ERI1: variants seen among roughly 807,000 people sequenced by gnomAD.
ERI1 encodes 3'-5' exoribonuclease 1.
A neutral mutation model predicts 39.7 loss-of-function variants in ERI1; 39 were observed. The observed-to-expected ratio is 0.98, with a 90% CI of 0.76 to 1.28. ERI1 has a LOEUF of 1.28. Ranked by LOEUF, ERI1 falls within the 50% of genes most tolerant of loss-of-function variation. The pLI is 0.00. For synonymous variants in ERI1, 204 were observed against 149.6 expected (o/e 1.36, Z -2.65); for missense variants, 581 against 416.9 (o/e 1.39, Z -3.43).
intron 3 of ERI1, among the ~76,000 whole-genome samples, chr8:9,080,569 G>T (rs1473827473): frequency 6.6e-6 from 1 of 152,208 alleles, no homozygotes; most frequent in Non-Finnish European, 1.5e-5. Flanking sequence ...CAGCACCCCT[G>T]CCCTGATTTT....
At chr8:9,035,948 C>G (rs7005294), downstream of ERI1, among the ~76,000 whole-genome samples, 466 of 152,188 alleles carry the variant, frequency 3.1e-3, 3 homozygotes, top group African/African-American at 0.01. Context: ...CTTTTAGGGG[C>G]CCAAGACTTC....
chr8:9,043,407 A>G (rs771403899), intron 3 of ERI1, among the ~76,000 whole-genome samples: 2 of 152,154 alleles, frequency 1.3e-5, no homozygotes, highest in East Asian at 3.9e-4. Context: ...TACTTTTTAC[A>G]TTCTTCACCC....
Position 9,003,072 on chromosome 8 carries a change from T to A in ERI1, c.9T>A (p.Asp3Glu). ...CTGGCGTGACAGCCGGCATGGAGGA[T>A]CCACAGAGTAAAGAGCCTGCCGGCG... ME[D>E]PQSKEPAGEA... The change falls in exon 1 of 7, where the codon GAT becomes GAA. Residue 3 changes from aspartate (D) to glutamate (E), a missense_variant. Physicochemically the swap from Asp to Glu is conservative, Grantham distance 45 (BLOSUM62 2). Coordinates refer to ENST00000250263, the MANE Select transcript of ERI1 (RefSeq NM_153332.4). 8.0e-7 allele frequency: 1 copy of A among 1,247,368 alleles called. No individual in the cohort carries two copies. The highest frequency in any genetic ancestry group is 1.0e-6 in the Non-Finnish European group (1 of 988,078). 77.3% of individuals were successfully genotyped at this position (1,247,368 alleles called of 1,614,324 possible).
intron 3 of ERI1, among the ~76,000 whole-genome samples, chr8:9,061,578 A>G (rs998664109): frequency 6.6e-6 from 1 of 152,268 alleles, no homozygotes; most frequent in East Asian, 1.9e-4. Context: ...TTGTTTGGAC[A>G]GAAAGGCTAC....
intron 6 of ERI1, among the ~76,000 whole-genome samples, chr8:9,028,969 G>A (rs1797387328): frequency 7.3e-6 from 1 of 137,252 alleles, no homozygotes; most frequent in Admixed American, 7.0e-5. Context: ...TGGGGAGTGT[G>A]AGAGTTTTTT....
At position 9,029,772 on chromosome 8, in the gene ERI1, C is replaced by T. The variant is rs774152074; in HGVS notation, c.808-20C>T. 1.2e-6 allele frequency: 2 copies of T among 1,613,690 alleles called. No homozygotes were observed. Among genetic ancestry groups the T allele is most frequent in the African/African-American group, 1.3e-5 (1 of 75,022 alleles). On this transcript the variant is annotated intron_variant, in intron 6 of 6. Coordinates refer to ENST00000250263, the MANE Select transcript of ERI1 (RefSeq NM_153332.4). ...GTTTAGAACACCAAAGAATTATTTA[C>T]TAAGCTGTTTATTTTTCAGGTTCCT...
downstream of ERI1, among the ~76,000 whole-genome samples, chr8:9,034,414 T>C (rs1797774938): frequency 6.6e-6 from 1 of 152,224 alleles, no homozygotes; most frequent in Admixed American, 6.5e-5. Context: ...GAAAGTCTAT[T>C]TATGTCATTT....
Position 9,030,093 on chromosome 8 carries a change from A to G in ERI1, c.*59A>G. The G allele has an allele frequency of 1.3e-6, 2 of 1,596,446 alleles. No homozygotes were observed. The highest frequency in any genetic ancestry group is 8.6e-7 in the Non-Finnish European group (1 of 1,167,654). ...GTTGCTATGAAGAGGTAGCAGATGA[A>G]TCTCATTGAATTAGTCCTGTAGTGC... is the stretch of plus-strand genomic sequence containing the variant. On this transcript the variant is annotated 3_prime_UTR_variant, in exon 7 of 7. Transcript: ENST00000250263.
At position 9,030,305 on chromosome 8, in the gene ERI1, GAT is replaced by G. The variant is rs1179835469; in HGVS notation, c.*276_*277del. ...GAATTTTATAATTTAAGGTGTTCAA[GAT>G]ATATTCTTTTTGGTTTTAAAATGCA... On this transcript the variant is annotated 3_prime_UTR_variant, in exon 7 of 7. Coordinates refer to ENST00000250263, the MANE Select transcript of ERI1 (RefSeq NM_153332.4). 5.2e-6 allele frequency: 2 copies of G among 386,152 alleles called. No homozygotes were observed. The highest frequency in any genetic ancestry group is 8.3e-5 in the East Asian group (2 of 24,074). The allele number at this position is 386,152 out of a possible 1,614,324, so 23.9% of individuals were successfully genotyped here.
chr8:9,040,535 GCT>G (rs201127916), intron 3 of ERI1, among the ~76,000 whole-genome samples: 1,818 of 152,278 alleles, frequency 0.012, 37 homozygotes, highest in South Asian at 0.091. Flanking sequence ...CTGTATGAAA[GCT>G]CAGAATTACC....
At chr8:9,075,609 T>C (rs1799186062) in intron 3 of ERI1, among the ~76,000 whole-genome samples, 2 of 152,062 alleles carry the variant, frequency 1.3e-5, no homozygotes, top group African/African-American at 2.4e-5. Context: ...TTGTTGCTTC[T>C]AAAGAGACTT....
chr8:9,087,617 A>G (rs1401827334), intron 3 of ERI1, among the ~76,000 whole-genome samples: 1 of 151,646 alleles, frequency 6.6e-6, no homozygotes, highest in African/African-American at 2.4e-5. Context: ...TCCTTGTGTA[A>G]TTATATGTGT....
At chr8:9,028,948 A>G (rs961992565) in intron 6 of ERI1, among the ~76,000 whole-genome samples, 6 of 149,086 alleles carry the variant, frequency 4.0e-5, no homozygotes, top group African/African-American at 1.2e-4. Context: ...GTGGAGGCAC[A>G]TATTGGAATT....
intron 6 of ERI1, among the ~76,000 whole-genome samples, chr8:9,023,593 G>A (rs945692059): frequency 2.0e-5 from 3 of 151,856 alleles, no homozygotes; most frequent in Admixed American, 6.6e-5. Context: ...CTCTTTTTGT[G>A]TGTGGTTTTC....
chr8:9,087,268 G>C (rs1799559337), intron 3 of ERI1, among the ~76,000 whole-genome samples: 1 of 150,702 alleles, frequency 6.6e-6, no homozygotes, highest in African/African-American at 2.4e-5. Flanking sequence ...TTTTTGAGAT[G>C]GAGTTTCACT....
chr8:9,004,520 C>G (rs183823414), intron 1 of ERI1, among the ~76,000 whole-genome samples: 2,116 of 131,508 alleles, frequency 0.016, 51 homozygotes, highest in South Asian at 0.083. Flanking sequence ...TTACAAAAAG[C>G]CGGTCGTAGT....
At chr8:9,055,374 AACTTG>A (rs1481322339) in intron 3 of ERI1, among the ~76,000 whole-genome samples, 1 of 152,224 alleles carries the variant, frequency 6.6e-6, no homozygotes, top group Non-Finnish European at 1.5e-5. Context: ...CTTTAAGCCA[AACTTG>A]ACTTAACAGA....
intron 3 of ERI1, among the ~76,000 whole-genome samples, chr8:9,077,637 C>T (rs1346289121): frequency 1.3e-5 from 2 of 152,206 alleles, no homozygotes; most frequent in Non-Finnish European, 2.9e-5. Flanking sequence ...TCTCAGGCAG[C>T]AGACCTCAGA....
chr8:9,078,497 A>G (rs1274871240), intron 3 of ERI1, among the ~76,000 whole-genome samples: 1 of 152,162 alleles, frequency 6.6e-6, no homozygotes, highest in Admixed American at 6.5e-5. Flanking sequence ...CAAGTTTTTT[A>G]ACCCAAAGTG....
Sources: allele counts gnomAD v4.1 joint callset (sites outside exome capture counted in the v4.1 genomes callset), GRCh38; gene constraint gnomAD v4.1.1; transcripts MANE v1.5; gene names NCBI Gene and HGNC (gene_info 2026-07-23, HGNC 2026-07-21).